Variants in PPFIBP2 observed in about 807,000 individuals in gnomAD.
PPFIBP2 encodes liprin-beta-2.
In PPFIBP2, 118 loss-of-function variants were observed where a neutral mutation model predicts 118.3. The observed-to-expected ratio is 1.00, with a 90% confidence interval of 0.86 to 1.16. PPFIBP2 has a LOEUF of 1.16. PPFIBP2 is among the 50% of genes most tolerant of loss of function. The probability of loss-of-function intolerance (pLI) is 0.00; values close to 1 mark genes in which losing one functional copy is unlikely to be tolerated. For synonymous variants in PPFIBP2, 414 were observed against 397.4 expected (o/e 1.04, Z -0.50); for missense variants, 1,195 against 1,073.1 (o/e 1.11, Z -1.59).
chr11:7,662,052 A>G (rs201783379), downstream of PPFIBP2, among the ~76,000 whole-genome samples: 8,847 of 144,704 alleles, frequency 0.061, 795 homozygotes, highest in African/African-American at 0.2. Context: ...TCTGCACGTG[A>G]GATGGGTTTC....
intron 1 of PPFIBP2, among the ~76,000 whole-genome samples, chr11:7,520,535 A>G (rs374168003): frequency 2.0e-5 from 3 of 151,342 alleles, no homozygotes; most frequent in East Asian, 3.9e-4. Flanking sequence ...TGAAATGCAA[A>G]TCTGTTCATG....
intron 15 of PPFIBP2, among the ~76,000 whole-genome samples, chr11:7,640,628 A>T (rs141082489): frequency 6.6e-6 from 1 of 151,978 alleles, no homozygotes; most frequent in Non-Finnish European, 1.5e-5. Context: ...CTTCAGATAA[A>T]CCCTTGAATG....
chr11:7,646,593 C>T (rs1297181987), intron 17 of PPFIBP2, among the ~76,000 whole-genome samples: 1 of 152,178 alleles, frequency 6.6e-6, no homozygotes, highest in Non-Finnish European at 1.5e-5. Flanking sequence ...GATACAGTAG[C>T]TCAGACCTGT....
chr11:7,651,629 C>T, intron 22 of PPFIBP2, 27 bp from the exon 23 acceptor site: 2 of 1,576,978 alleles, frequency 1.3e-6, no homozygotes, highest in Non-Finnish European at 1.7e-6. Context: ...TTGCTCCTGG[C>T]CAGGCTTGTC....
chr11:7,634,472 TC>T (rs1247909008), intron 12 of PPFIBP2, 22 bp from the exon 13 acceptor site: 3 of 1,576,326 alleles, frequency 1.9e-6, no homozygotes, highest in Non-Finnish European at 2.6e-6. Flanking sequence ...CATAACTATT[TC>T]TTTCTTTTGT....
rs998507039 is a variant in PPFIBP2, at chr11:7,625,770, C to T, written c.712-7C>T. 1.2e-6 allele frequency: 2 copies of T among 1,613,516 alleles called. No individual in the cohort carries two copies. The highest frequency in any genetic ancestry group is 2.7e-5 in the African/African-American group (2 of 74,918). ...GACCTGGTAGGGATCCTCTGTTGCT[C>T]TTCCAGGCTGAAGTCGCCCAGCTGC... On this transcript the variant is annotated splice_region_variant and splice_polypyrimidine_tract_variant and intron_variant, in intron 7 of 23. Transcript: ENST00000299492.
At chr11:7,625,329 G>A (rs1306552555) in intron 7 of PPFIBP2, among the ~76,000 whole-genome samples, 1 of 152,138 alleles carries the variant, frequency 6.6e-6, no homozygotes, top group Non-Finnish European at 1.5e-5. Context: ...TTTCTCTGTG[G>A]GTTGGAAAGA....
At chr11:7,584,189 G>C (rs547782273) in intron 3 of PPFIBP2, among the ~76,000 whole-genome samples, 233 of 152,296 alleles carry the variant, frequency 1.5e-3, no homozygotes, top group African/African-American at 5.3e-3. Context: ...GCACCTAGTG[G>C]GTGCTCAGGA....
At chr11:7,640,998 T>C (rs1323781584) in intron 15 of PPFIBP2, 5 of 1,256,968 alleles carry the variant, frequency 4.0e-6, no homozygotes, top group Non-Finnish European at 4.2e-6. Context: ...CTCTTGTTTC[T>C]TCATGTGGCT....
Position 7,632,876 on chromosome 11 carries a change from A to C in PPFIBP2, c.1078A>C (p.Arg360=). Residue 360 remains arginine (R), a synonymous_variant, in exon 12 of 24, where the codon AGA becomes CGA. Transcript: ENST00000299492. ...TCTGTCTCTGGTGCAGATGCCTCCA[A>C]GATGTAGCTCTCCTACAGTGGGGCC... ...EELFKQEMPP[R]CSSPTVGPPP... is the part of the protein sequence containing the mutation. 1 of 1,613,670 alleles carries C rather than the reference A, an allele frequency of 6.2e-7. No homozygotes were observed. The highest frequency in any genetic ancestry group is 1.7e-5 in the Admixed American group (1 of 60,006).
At chr11:7,562,952 TA>T (rs1176995182) in intron 2 of PPFIBP2, among the ~76,000 whole-genome samples, 2 of 33,130 alleles carry the variant, frequency 6.0e-5, no homozygotes, top group African/African-American at 4.0e-4. Flanking sequence ...TATATATATA[TA>T]TATATATATA....
intron 1 of PPFIBP2, among the ~76,000 whole-genome samples, chr11:7,526,566 G>A (rs1003993488): frequency 2.6e-5 from 4 of 152,174 alleles, no homozygotes; most frequent in African/African-American, 9.7e-5. Flanking sequence ...TGGGGAAAGA[G>A]CAGCCTTAAA....
chr11:7,665,739 T>C, the PPFIBP2 span: 482,650 of 1,257,166 alleles, frequency 0.38, 98,936 homozygotes, highest in Non-Finnish European at 0.42. Context: ...TCACCCCAGG[T>C]CCCAGGCTCA....
intron 3 of PPFIBP2, among the ~76,000 whole-genome samples, chr11:7,584,185 A>G (rs889577097): frequency 2.0e-5 from 3 of 152,232 alleles, no homozygotes; most frequent in African/African-American, 7.2e-5. Context: ...AGTGGCACCT[A>G]GTGGGTGCTC....
At chr11:7,641,104 G>C (rs1852125357) in intron 15 of PPFIBP2, 1 of 1,245,316 alleles carries the variant, frequency 8.0e-7, no homozygotes, top group African/African-American at 1.5e-5. Flanking sequence ...GAGTGAGAAT[G>C]CCTTTGTTTC....
intron 6 of PPFIBP2, among the ~76,000 whole-genome samples, chr11:7,615,568 C>CTAA (rs1848542915): frequency 6.6e-6 from 1 of 152,114 alleles, no homozygotes; most frequent in African/African-American, 2.4e-5. Context: ...GGAGTAGCAA[C>CTAA]CTATTTGTTA....
intron 1 of PPFIBP2, among the ~76,000 whole-genome samples, chr11:7,531,460 G>A (rs532337420): frequency 2.0e-5 from 3 of 152,278 alleles, no homozygotes; most frequent in South Asian, 2.1e-4. Context: ...GGTGGGATTC[G>A]ACTTAGAGCT....
At chr11:7,604,789 C>T (rs949599087) in intron 5 of PPFIBP2, among the ~76,000 whole-genome samples, 4 of 152,160 alleles carry the variant, frequency 2.6e-5, no homozygotes, top group African/African-American at 7.2e-5. Context: ...TGGCCCTAAC[C>T]TAGAGTAGCA....
downstream of PPFIBP2, among the ~76,000 whole-genome samples, chr11:7,661,261 T>G (rs1021452770): frequency 3.3e-3 from 490 of 147,926 alleles, 2 homozygotes; most frequent in Non-Finnish European, 5.2e-3. Context: ...TTTGGATCTT[T>G]CCTGCTTTCT....
Sources: allele counts gnomAD v4.1 joint callset (sites outside exome capture counted in the v4.1 genomes callset), GRCh38; gene constraint gnomAD v4.1.1; transcripts MANE v1.5; gene names NCBI Gene and HGNC (gene_info 2026-07-23, HGNC 2026-07-21).